TTC8: variants seen among roughly 807,000 people sequenced by gnomAD.
TTC8 encodes the protein tetratricopeptide repeat protein 8.
TTC8 carries 47 observed loss-of-function variants against 72.5 expected under a neutral mutation model. The observed-to-expected ratio is 0.65, with a 90% confidence interval of 0.51 to 0.83. The LOEUF (loss-of-function observed/expected upper bound fraction) is 0.83. Ranked by LOEUF, TTC8 falls within the 40% of genes least tolerant of loss-of-function variation. The pLI, the probability that TTC8 is intolerant of heterozygous loss-of-function variation, is 0.00. For missense variants in TTC8, 611 were observed against 623.2 expected, an observed-to-expected ratio of 0.98 and a Z score of 0.21; for synonymous variants, 199 against 221.4, an observed-to-expected ratio of 0.90 and a Z score of 0.90.
At chr14:88,848,614 C>T (rs1049015615) in intron 7 of TTC8, among the ~76,000 whole-genome samples, 2 of 152,056 alleles carry the variant, frequency 1.3e-5, no homozygotes, top group African/African-American at 4.8e-5. Flanking sequence ...ATGATGGAAT[C>T]TTATGTAGCC....
chr14:88,848,392 A>G (rs960014328), intron 7 of TTC8, among the ~76,000 whole-genome samples: 7 of 152,294 alleles, frequency 4.6e-5, no homozygotes, highest in African/African-American at 1.7e-4. Context: ...TGGTACCACA[A>G]TTTGGAAAAC....
chr14:88,862,561 T>G (rs1213926169), intron 10 of TTC8, among the ~76,000 whole-genome samples: 1 of 45,258 alleles, frequency 2.2e-5, no homozygotes, highest in South Asian at 8.2e-4. Context: ...TATATATATA[T>G]ATATATATAT....
intron 7 of TTC8, among the ~76,000 whole-genome samples, chr14:88,851,048 A>G (rs1038122617): frequency 6.6e-6 from 1 of 152,202 alleles, no homozygotes; most frequent in Non-Finnish European, 1.5e-5. Flanking sequence ...ATCTTTGTCT[A>G]AAGACTTGAA....
upstream of TTC8, chr14:88,824,637 G>A: frequency 1.5e-6 from 2 of 1,330,940 alleles, no homozygotes; most frequent in Non-Finnish European, 2.1e-6. Context: ...AGAGTCGGAC[G>A]CCGCCAGCTC....
chr14:88,838,715 G>A (rs997037504), intron 2 of TTC8, among the ~76,000 whole-genome samples: 5 of 152,062 alleles, frequency 3.3e-5, no homozygotes, highest in African/African-American at 1.2e-4. Flanking sequence ...AATTTTTCAA[G>A]GTAAAGCAAA....
chr14:88,874,884 T>C (rs1235264040), intron 13 of TTC8, 142 bp from the exon 14 acceptor site: 5 of 573,530 alleles, frequency 8.7e-6, no homozygotes, highest in South Asian at 5.3e-5. Flanking sequence ...TCATGAGGAA[T>C]GTTGTCGGTA....
intron 8 of TTC8, among the ~76,000 whole-genome samples, chr14:88,853,875 C>T (rs1286809331): frequency 2.0e-5 from 3 of 152,072 alleles, no homozygotes; most frequent in Non-Finnish European, 2.9e-5. Context: ...ATGAACAATT[C>T]TATTTTTAAG....
At chr14:88,859,444 C>T (rs1190625898) in intron 9 of TTC8, among the ~76,000 whole-genome samples, 1 of 152,030 alleles carries the variant, frequency 6.6e-6, no homozygotes, top group Non-Finnish European at 1.5e-5. Context: ...CATGTTCTCA[C>T]TATAAGTGGG....
chr14:88,859,353 C>G (rs1017775072), intron 9 of TTC8, among the ~76,000 whole-genome samples: 3 of 152,020 alleles, frequency 2.0e-5, no homozygotes, highest in African/African-American at 7.2e-5. Context: ...AGAATGAGAG[C>G]ATGTCCTTTG....
chr14:88,826,861 A>G lies in TTC8; in HGVS notation c.114+2040A>G, dbSNP rs553953695. 3.3e-5 allele frequency among the ~76,000 whole-genome samples: 5 copies of G among 152,360 alleles called. No homozygotes were observed. The East Asian group carries it at 9.6e-4, about 29-fold the overall frequency. On this transcript the variant is annotated intron_variant, in intron 1 of 14. Transcript: ENST00000380656. ...TCCCAAGAGCTGTTCAGTGAGAACA[A>G]GTTCCCTCATTAAGTACATTTGGGA...
At chr14:88,843,444 GTT>G (rs931983656) in intron 6 of TTC8, among the ~76,000 whole-genome samples, 7 of 151,986 alleles carry the variant, frequency 4.6e-5, no homozygotes, top group African/African-American at 1.7e-4. Flanking sequence ...GAAACTTCCA[GTT>G]TTTTTATGTC....
chr14:88,875,023 C>T lies in TTC8; in HGVS notation c.1348-3C>T, dbSNP rs762360612. The T allele has an allele frequency of 6.2e-7, 1 of 1,609,440 alleles. No individual in the cohort carries two copies. Among genetic ancestry groups the T allele is most frequent in the South Asian group, 1.1e-5 (1 of 90,378 alleles). On this transcript the variant is annotated splice_region_variant and splice_polypyrimidine_tract_variant and intron_variant, in intron 13 of 14. Coordinates refer to ENST00000380656, the MANE Select transcript of TTC8 (RefSeq NM_144596.4). ...TTTTTCTTTTCTTTATTTTTATACA[C>T]AGGCAAGGGCACTATTACAAACTGC...
chr14:88,857,401 A>T, intron 9 of TTC8, 124 bp downstream of exon 9: 1 of 865,856 alleles, frequency 1.2e-6, no homozygotes, highest in South Asian at 1.4e-5. Flanking sequence ...GTTTAGATTT[A>T]ACTTGTTTTT....
downstream of TTC8, chr14:88,879,948 A>G (rs1566865622): frequency 6.6e-6 from 1 of 152,192 alleles, no homozygotes; most frequent in Non-Finnish European, 1.5e-5. Flanking sequence ...AAGTGCTAAG[A>G]TTACAGGTGT....
chr14:88,844,286 A>G (rs1663865462), intron 7 of TTC8, among the ~76,000 whole-genome samples: 1 of 152,202 alleles, frequency 6.6e-6, no homozygotes, highest in South Asian at 2.1e-4. Context: ...ATACAAAAGT[A>G]GAGGGAATCG....
intron 2 of TTC8, 63 bp from the exon 3 acceptor site, chr14:88,839,389 T>C: frequency 6.5e-7 from 1 of 1,546,518 alleles, no homozygotes; most frequent in Admixed American, 1.7e-5. Flanking sequence ...TGGCTATTTC[T>C]ATAAGCTGTG....
intron 7 of TTC8, among the ~76,000 whole-genome samples, chr14:88,845,991 A>T (rs1490958932): frequency 6.6e-6 from 1 of 151,560 alleles, no homozygotes; most frequent in African/African-American, 2.4e-5. Context: ...GCTATTTTGG[A>T]TGGAGGGGGG....
rs1037921446 is a variant in TTC8 at position 88,824,679 on chromosome 14, C to T, written c.-29C>T. 7.1e-6 allele frequency: 11 copies of T among 1,554,812 alleles called. No homozygotes were observed. Among genetic ancestry groups the T allele is most frequent in the Admixed American group, 3.7e-5 (2 of 54,580 alleles). ...CCACGCCCACCTCTCTCCTGGAGCG[C>T]TGGGCCTTCGCTGGCCGCACCGGCA... On this transcript the variant is annotated 5_prime_UTR_variant, in exon 1 of 15. Coordinates refer to ENST00000380656, the MANE Select transcript of TTC8 (RefSeq NM_144596.4).
chr14:88,866,879 A>G (rs2094912435), intron 10 of TTC8, among the ~76,000 whole-genome samples: 1 of 152,166 alleles, frequency 6.6e-6, no homozygotes, highest in Non-Finnish European at 1.5e-5. Flanking sequence ...GGGACAAAAG[A>G]TAGGATAGGA....
Sources: gnomAD v4.1 joint callset for allele counts (sites outside exome capture counted in the v4.1 genomes callset) on GRCh38, gnomAD v4.1.1 for gene constraint, MANE v1.5 for transcripts, NCBI Gene and HGNC (gene_info 2026-07-23, HGNC 2026-07-21) for gene names.